GRIK4: variants seen among roughly 807,000 people sequenced by gnomAD.
GRIK4 encodes glutamate ionotropic receptor kainate type subunit 4, also known as glutamate receptor ionotropic, kainate 4.
In GRIK4, 40 loss-of-function variants were observed where a neutral mutation model predicts 104.9. The observed-to-expected ratio is 0.38, with a 90% CI of 0.30 to 0.50. The LOEUF is 0.50. Ranked by LOEUF, GRIK4 falls within the 20% of genes least tolerant of loss-of-function variation. GRIK4 has a pLI of 0.93. For synonymous variants in GRIK4, 485 were observed against 524.9 expected, an observed-to-expected ratio of 0.92 and a Z score of 1.04; for missense variants, 1,047 against 1,308.1, an observed-to-expected ratio of 0.80 and a Z score of 3.08.
Position 120,962,443 on chromosome 11 carries a change from G to C in GRIK4, c.2041-13G>C. The C allele has an allele frequency of 6.3e-7, 1 of 1,585,174 alleles. No individual in the cohort carries two copies. The highest frequency in any genetic ancestry group is 8.7e-7 in the Non-Finnish European group (1 of 1,155,580). The stretch of plus-strand genomic sequence containing the variant: ...TCTTTTCCCAATCCTGCTTCCTTTT[G>C]TTCTTTTCCCAGAATTCCCGCTACC... On this transcript the variant is annotated splice_polypyrimidine_tract_variant and intron_variant, in intron 17 of 20. Coordinates refer to ENST00000527524, the MANE Select transcript of GRIK4 (RefSeq NM_014619.5).
intron 3 of GRIK4, among the ~76,000 whole-genome samples, chr11:120,732,682 C>A (rs903627832): frequency 2.6e-5 from 4 of 152,102 alleles, no homozygotes; most frequent in Middle Eastern, 3.4e-3. Flanking sequence ...TAGTTTTATT[C>A]CATTGTGGTC....
chr11:120,556,919 T>G (rs746408767), intron 1 of GRIK4, among the ~76,000 whole-genome samples: 6 of 152,116 alleles, frequency 3.9e-5, no homozygotes, highest in Non-Finnish European at 7.4e-5. Context: ...CTTGTCACCC[T>G]TACCTGGGTT....
chr11:120,796,027 T>C lies in GRIK4; in HGVS notation c.83-6666T>C, dbSNP rs532437493. 9.0e-3 allele frequency among the ~76,000 whole-genome samples: 1,188 copies of C among 131,520 alleles called. 12 individuals are homozygous for C. The highest frequency in any genetic ancestry group is 0.032 in the African/African-American group (1,083 of 34,256). The allele number at this position is 131,520 out of a possible 152,430, so 86.3% of individuals were successfully genotyped here. A position where few individuals can be genotyped will look rare whatever the true frequency, so the allele number is the denominator to read the frequency against. ...TTGTATTGTTATTTTTTGGTTTTTT[T>C]TTCCTGAATTTTTTTTTTTTTTTTC... On this transcript the variant is annotated intron_variant, in intron 3 of 20. Transcript: ENST00000527524.
At chr11:120,704,019 C>T (rs987742384) in intron 3 of GRIK4, among the ~76,000 whole-genome samples, 1 of 152,192 alleles carries the variant, frequency 6.6e-6, no homozygotes, top group Non-Finnish European at 1.5e-5. Context: ...AGTTTCCGTT[C>T]ACTAGCTTTG....
chr11:120,663,445 C>T lies in GRIK4; in HGVS notation c.82+3045C>T, dbSNP rs1046178458. Among the ~76,000 whole-genome samples the T allele has an allele frequency of 4.6e-5, 7 of 152,158 alleles. No individual in the cohort carries two copies. In the East Asian group the frequency reaches 1.3e-3, roughly 29 times the overall value. On this transcript the variant is annotated intron_variant, in intron 3 of 20. Coordinates refer to ENST00000527524, the MANE Select transcript of GRIK4 (RefSeq NM_014619.5). Reference sequence around the variant, plus strand: ...CTCTTCTCCATGCACCCATGGGCTCCCTTAGCTGCTGAGAAGCAGAATCAC... The same window carrying T: ...CTCTTCTCCATGCACCCATGGGCTCTCTTAGCTGCTGAGAAGCAGAATCAC...
At chr11:120,642,780 CTCCTCCTCACCTCA>C (rs1300980266) in intron 1 of GRIK4, among the ~76,000 whole-genome samples, 1 of 152,152 alleles carries the variant, frequency 6.6e-6, no homozygotes, top group Non-Finnish European at 1.5e-5. Flanking sequence ...CTCTGCCGTC[CTCCTCCTCACCTCA>C]TCTGTTTGCT....
intron 16 of GRIK4, among the ~76,000 whole-genome samples, chr11:120,958,363 G>C (rs1264838237): frequency 2.0e-5 from 3 of 152,252 alleles, no homozygotes; most frequent in Non-Finnish European, 4.4e-5. Context: ...GTGTGAGAAG[G>C]GGCTCAGCGC....
intron 3 of GRIK4, among the ~76,000 whole-genome samples, chr11:120,680,863 A>G (rs10892610): frequency 0.13 from 19,489 of 152,210 alleles, 1,360 homozygotes; most frequent in South Asian, 0.23. Context: ...TCTCTCTCCA[A>G]GGACCCTCTT....
intron 13 of GRIK4, among the ~76,000 whole-genome samples, chr11:120,934,149 G>A (rs1455066774): frequency 6.8e-6 from 1 of 146,398 alleles, no homozygotes; most frequent in East Asian, 2.0e-4. Flanking sequence ...AGGTTGCAGT[G>A]AGCCGAGATC....
chr11:120,649,438 C>T (rs1052416035), intron 1 of GRIK4, among the ~76,000 whole-genome samples: 10 of 152,184 alleles, frequency 6.6e-5, no homozygotes, highest in Admixed American at 6.5e-4. Flanking sequence ...GGAGCCAGGC[C>T]AAGGGACAGG....
Position 120,953,417 on chromosome 11 carries a change from A to T in GRIK4, c.1700+453A>T, listed in dbSNP as rs1944054894. On this transcript the variant is annotated intron_variant, in intron 15 of 20. Transcript: ENST00000527524. This position sits in a 1 kb window ranked among gnomAD's most constrained non-coding sequence, Gnocchi z 4.9. Reference sequence around the variant, plus strand: ...CAAGGAACAGAGCCTGCAAATCTGGACTGGGGGCACTGGGGGCTGCAGTGG... The same window carrying T: ...CAAGGAACAGAGCCTGCAAATCTGGTCTGGGGGCACTGGGGGCTGCAGTGG... 1.3e-5 allele frequency among the ~76,000 whole-genome samples: 2 copies of T among 152,094 alleles called. No individual in the cohort carries two copies. The highest frequency in any genetic ancestry group is 4.8e-5 in the African/African-American group (2 of 41,388).
Position 120,967,469 on chromosome 11 carries a change from G to T in GRIK4, c.2395+146G>T, listed in dbSNP as rs1054334750. 8.8e-6 allele frequency: 7 copies of T among 799,426 alleles called. No individual in the cohort carries two copies. In the African/African-American group the frequency reaches 1.2e-4, roughly 14 times the overall value. 49.5% of individuals were successfully genotyped at this position (799,426 alleles called of 1,614,324 possible). A position where few individuals can be genotyped will look rare whatever the true frequency, so the allele number is the denominator to read the frequency against. On this transcript the variant is annotated intron_variant, in intron 19 of 20. Coordinates refer to ENST00000527524, the MANE Select transcript of GRIK4 (RefSeq NM_014619.5). The surrounding 1 kb of genome is among the most constrained non-coding windows in gnomAD (Gnocchi z 4.2). ...AACCTAGGTATAAAGTGGGCTGGCG[G>T]GGGATCAGGTCTGTCCCAGGGTCTT...
At chr11:120,538,401 C>T (rs1050000151) in intron 1 of GRIK4, among the ~76,000 whole-genome samples, 1 of 152,220 alleles carries the variant, frequency 6.6e-6, no homozygotes, top group African/African-American at 2.4e-5. Flanking sequence ...TGATTCCCTC[C>T]CCAGGGGGTG....
chr11:120,646,616 T>C (rs1206530191), intron 1 of GRIK4, among the ~76,000 whole-genome samples: 1 of 152,234 alleles, frequency 6.6e-6, no homozygotes, highest in East Asian at 1.9e-4. Context: ...AATTAATCAA[T>C]CATACACTTA....
Position 120,815,429 on chromosome 11 carries a change from G to C in GRIK4, c.299G>C (p.Ser100Thr). The change falls in exon 5 of 21, where the codon AGC becomes ACC. Residue 100 changes from serine to threonine, a missense_variant. Around this residue, in one of 3 missense-constraint regions of GRIK4, gnomAD observed 447 missense variants for 514.9 expected, o/e 0.87. Transcript: ENST00000527524. ...GTCGCTGTCCTCGGACCATCGTCCA[G>C]CCCAGCCTCCAGCTCCATCATCAGC... ...GVVAVLGPSSSPASSSIISNI... is the reference protein window; with the variant it reads ...GVVAVLGPSSTPASSSIISNI... 1 of 1,553,048 alleles carries C rather than the reference G, an allele frequency of 6.4e-7. No individual in the cohort carries two copies. Among genetic ancestry groups the C allele is most frequent in the Non-Finnish European group, 8.7e-7 (1 of 1,147,602 alleles).
intron 1 of GRIK4, among the ~76,000 whole-genome samples, chr11:120,571,134 G>C (rs11217918): frequency 0.18 from 27,279 of 152,102 alleles, 6,285 homozygotes; most frequent in African/African-American, 0.54. Flanking sequence ...GTTTTCCTGG[G>C]ACTTCCCTTG....
chr11:120,856,907 A>C (rs1430735800), intron 8 of GRIK4, among the ~76,000 whole-genome samples: 1 of 152,160 alleles, frequency 6.6e-6, no homozygotes. Context: ...TTGCCTGCTT[A>C]GCCCAGCTGA....
At chr11:120,825,956 G>A (rs771057024) in intron 6 of GRIK4, among the ~76,000 whole-genome samples, 22 of 152,114 alleles carry the variant, frequency 1.4e-4, no homozygotes, top group Non-Finnish European at 2.2e-4. Flanking sequence ...GCTGTCCCCC[G>A]GAGGCCCTGT....
chr11:120,700,721 T>C (rs1413212442), intron 3 of GRIK4, among the ~76,000 whole-genome samples: 2 of 152,088 alleles, frequency 1.3e-5, no homozygotes, highest in African/African-American at 2.4e-5. Flanking sequence ...CCTCCTAAAG[T>C]GTTAGGATTA....
Sources: allele counts gnomAD v4.1 joint callset (sites outside exome capture counted in the v4.1 genomes callset), GRCh38; gene constraint gnomAD v4.1.1; regional missense constraint gnomAD v4.1.1; non-coding constraint Gnocchi (gnomAD v3.1); transcripts MANE v1.5; gene names NCBI Gene and HGNC (gene_info 2026-07-23, HGNC 2026-07-21).